The following ABTB3 variants were observed in gnomAD, a reference collection of about 807,000 sequenced individuals.
ABTB3 encodes ankyrin repeat- and BTB/POZ domain-containing protein 3.
chr12:107,319,900 GGCCGCCGCAGTCCCGCCGGCA>G, the ABTB3 span: 1 of 1,372,190 alleles, frequency 7.3e-7, no homozygotes, highest in South Asian at 1.8e-5. Flanking sequence ...CGGCCGCCGC[GGCCGCCGCAGTCCCGCCGGCA>G]GCCGCCGCCA....
At chr12:107,528,375 T>C in the ABTB3 span, among the ~76,000 whole-genome samples, 1 of 152,242 alleles carries the variant, frequency 6.6e-6, no homozygotes, top group Non-Finnish European at 1.5e-5. Flanking sequence ...TGAATTTATA[T>C]GTGTGAAATA....
At chr12:107,426,154 G>A in the ABTB3 span, among the ~76,000 whole-genome samples, 1 of 151,526 alleles carries the variant, frequency 6.6e-6, no homozygotes, top group African/African-American at 2.4e-5. Flanking sequence ...CTCCAATTTT[G>A]TGCCATCAGC....
the ABTB3 span, among the ~76,000 whole-genome samples, chr12:107,480,051 G>A: frequency 9.9e-5 from 15 of 152,156 alleles, no homozygotes; most frequent in Admixed American, 2.6e-4. Context: ...CATGCTATAG[G>A]GTTTGGGTTA....
the ABTB3 span, among the ~76,000 whole-genome samples, chr12:107,527,854 C>T: frequency 3.9e-5 from 6 of 152,064 alleles, no homozygotes; most frequent in African/African-American, 7.2e-5. Context: ...GAGTTTCAAT[C>T]GGACGAGTTA....
the ABTB3 span, chr12:107,319,735 G>A: frequency 1.9e-4 from 288 of 1,527,240 alleles, no homozygotes; most frequent in Non-Finnish European, 2.4e-4. Context: ...GTGGCCCTGG[G>A]TCAGGCTCGG....
At chr12:107,319,284 G>T in the ABTB3 span, 1 of 1,545,098 alleles carries the variant, frequency 6.5e-7, no homozygotes, top group South Asian at 1.2e-5. Context: ...CGGGATCCCC[G>T]GGCAGGCCCG....
chr12:107,360,704 G>A, the ABTB3 span, among the ~76,000 whole-genome samples: 4 of 152,266 alleles, frequency 2.6e-5, no homozygotes, highest in South Asian at 2.1e-4. Flanking sequence ...GGCAACAAGC[G>A]AAGGTTGTGC....
At chr12:107,393,731 C>T in the ABTB3 span, among the ~76,000 whole-genome samples, 1 of 152,090 alleles carries the variant, frequency 6.6e-6, no homozygotes, top group African/African-American at 2.4e-5. Context: ...GAGATCGAGA[C>T]CATCCTGGCT....
At chr12:107,320,075 G>C in the ABTB3 span, 2 of 1,483,484 alleles carry the variant, frequency 1.3e-6, no homozygotes, top group South Asian at 1.4e-5. Flanking sequence ...GAACGCCAGC[G>C]GTAAGTGTCT....
the ABTB3 span, among the ~76,000 whole-genome samples, chr12:107,412,575 G>A: frequency 3.9e-5 from 6 of 152,224 alleles, no homozygotes; most frequent in East Asian, 1.2e-3. Flanking sequence ...GGGGCCCCAA[G>A]AGATAAGGGC....
the ABTB3 span, among the ~76,000 whole-genome samples, chr12:107,472,244 T>C: frequency 6.6e-6 from 1 of 152,192 alleles, no homozygotes; most frequent in Admixed American, 6.5e-5. Context: ...AGCTGGCACG[T>C]ATGTGTACAC....
chr12:107,583,185 G>A, the ABTB3 span, among the ~76,000 whole-genome samples: 16 of 152,262 alleles, frequency 1.1e-4, no homozygotes, highest in Middle Eastern at 3.4e-3. Context: ...GATAATGAAC[G>A]TGCAGTATCC....
the ABTB3 span, among the ~76,000 whole-genome samples, chr12:107,329,163 T>C: frequency 1.3e-5 from 2 of 152,178 alleles, no homozygotes; most frequent in East Asian, 1.9e-4. Context: ...AACTGTGACA[T>C]ACAGGAGAAT....
the ABTB3 span, among the ~76,000 whole-genome samples, chr12:107,561,661 C>A: frequency 6.6e-6 from 1 of 152,158 alleles, no homozygotes; most frequent in Non-Finnish European, 1.5e-5. Flanking sequence ...TCAACACAGA[C>A]CCTTGCTCCA....
chr12:107,555,433 G>A, the ABTB3 span, among the ~76,000 whole-genome samples: 1 of 152,178 alleles, frequency 6.6e-6, no homozygotes, highest in African/African-American at 2.4e-5. Context: ...CTCTCACAAC[G>A]TGCATGTTTA....
the ABTB3 span, among the ~76,000 whole-genome samples, chr12:107,383,561 C>T: frequency 2.6e-5 from 4 of 152,096 alleles, no homozygotes; most frequent in African/African-American, 9.7e-5. Flanking sequence ...AAATAGAGTC[C>T]AGCACATAGT....
chr12:107,551,064 CAAG>C, the ABTB3 span, among the ~76,000 whole-genome samples: 5 of 152,124 alleles, frequency 3.3e-5, no homozygotes, highest in Admixed American at 2.0e-4. Context: ...GCCTCAATAG[CAAG>C]AAGGAGAGAG....
chr12:107,633,256 G>A, the ABTB3 span, among the ~76,000 whole-genome samples: 1 of 152,158 alleles, frequency 6.6e-6, no homozygotes, highest in East Asian at 1.9e-4. Context: ...TGAGGACATA[G>A]CTAGAAGGCA....
the ABTB3 span, chr12:107,520,417 C>A: frequency 2.6e-6 from 4 of 1,560,678 alleles, no homozygotes; most frequent in Non-Finnish European, 3.5e-6. Flanking sequence ...AGATGTTGCA[C>A]CCTTCCCTCG....
Sources: allele counts gnomAD v4.1 joint callset (sites outside exome capture counted in the v4.1 genomes callset), GRCh38; gene constraint gnomAD v4.1.1; transcripts MANE v1.5; gene names NCBI Gene and HGNC (gene_info 2026-07-23, HGNC 2026-07-21).